MMP21: variants seen among roughly 807,000 people sequenced by gnomAD.
MMP21 encodes matrix metalloproteinase-21.
A neutral mutation model predicts 47.8 loss-of-function variants in MMP21; 40 were observed. The ratio of observed to expected loss-of-function variants is 0.84; its 90% confidence interval spans 0.65 to 1.09. The LOEUF is 1.09. Among genes scored for constraint, MMP21 ranks in the 50% least tolerant of loss-of-function variants. The probability of loss-of-function intolerance (pLI) is 0.00; values close to 1 mark genes in which losing one functional copy is unlikely to be tolerated. For missense variants in MMP21, 747 were observed against 775.3 expected (o/e 0.96, Z 0.43); for synonymous variants, 341 against 318.0 (o/e 1.07, Z -0.77).
In MMP21 at chr10:125,772,914, T is replaced by C. The variant is rs1382175054; in HGVS notation, c.698-164A>G. Among the ~76,000 whole-genome samples the C allele has an allele frequency of 6.6e-6, 1 of 152,140 alleles. No individual in the cohort carries two copies. Among genetic ancestry groups the C allele is most frequent in the African/African-American group, 2.4e-5 (1 of 41,428 alleles). ...GTGCGGAGGGTGGGAGACGGTTTGT[T>C]TGTAAACTGTGTTTACAGTCCACAG... is the stretch of plus-strand genomic sequence containing the variant. On this transcript the variant is annotated intron_variant, in intron 2 of 6. Coordinates refer to ENST00000368808, the MANE Select transcript of MMP21 (RefSeq NM_147191.1). This position sits in a 1 kb window ranked among gnomAD's most constrained non-coding sequence, Gnocchi z 5.6.
In MMP21 at chr10:125,775,659, C is replaced by T. The variant is rs769362024; in HGVS notation, c.162+1G>A. The T allele has an allele frequency of 1.2e-6, 2 of 1,603,260 alleles. No homozygotes were observed. The highest frequency in any genetic ancestry group is 1.1e-5 in the South Asian group (1 of 89,736). ...TTGCTGTTCTTCCAGCTTCCTCCTA[C>T]CTGAGCAGCGTGGAGGTCGGCAATG... On this transcript the variant is annotated splice_donor_variant, in intron 1 of 6. Coordinates refer to ENST00000368808, the MANE Select transcript of MMP21 (RefSeq NM_147191.1). LOFTEE classifies it high-confidence loss of function.
Position 125,767,535 on chromosome 10 carries a change from G to A in MMP21, c.1407C>T (p.Ser469=). Residue 469 remains serine (S), a synonymous_variant, in exon 6 of 7, where the codon TCC becomes TCT. Transcript: ENST00000368808. ...GGCTGAAGAGCCTTCTACTTACAAG[G>A]GACTCCTTGAAGAAGTAAATTAACT... ...RQKLIYFFKE[S]LVFAFDVNRN... 6.2e-7 allele frequency: 1 copy of A among 1,613,920 alleles called. No homozygotes were observed. Among genetic ancestry groups the A allele is most frequent in the Non-Finnish European group, 8.5e-7 (1 of 1,179,866 alleles).
intron 4 of MMP21, 122 bp from the exon 5 acceptor site, chr10:125,770,713 C>T (rs1024652319): frequency 6.3e-6 from 7 of 1,109,598 alleles, no homozygotes; most frequent in African/African-American, 1.6e-5. Context: ...CACCTTAAAG[C>T]AAGACACCAT....
In MMP21 at chr10:125,774,256, C is replaced by T; in HGVS notation, c.272G>A (p.Arg91Lys). ...CGGCAGCGCGTTCGCCCGCTGGAAC[C>T]TGCGCACCGCCTCGGCCAGGGCGGC... Reference protein sequence around the residue: ...KGAALAEAVRRFQRANALPAS... With the variant: ...KGAALAEAVRKFQRANALPAS... The change falls in exon 2 of 7, where the codon AGG becomes AAG. Residue 91 changes from arginine to lysine, a missense_variant. Arg to Lys is a conservative substitution (Grantham distance 26). Transcript: ENST00000368808. The T allele has an allele frequency of 2.1e-6, 3 of 1,419,930 alleles. No homozygotes were observed. The highest frequency in any genetic ancestry group is 2.7e-6 in the Non-Finnish European group (3 of 1,091,818). 88.0% of individuals were successfully genotyped at this position (1,419,930 alleles called of 1,614,324 possible).
intron 4 of MMP21, among the ~76,000 whole-genome samples, chr10:125,771,332 T>C (rs1850443256): frequency 1.3e-5 from 2 of 152,116 alleles, no homozygotes; most frequent in East Asian, 3.9e-4. Flanking sequence ...CTGGCTGTTG[T>C]TGTCTCCAAA....
At chr10:125,771,338 C>G (rs561153737) in intron 4 of MMP21, among the ~76,000 whole-genome samples, 37 of 152,054 alleles carry the variant, frequency 2.4e-4, no homozygotes, top group African/African-American at 7.5e-4. Context: ...GTTGTTGTCT[C>G]CAAAGACACA....
Position 125,766,923 on chromosome 10 carries a change from A to G in MMP21, c.1449T>C (p.Asn483=). The G allele has an allele frequency of 1.9e-6, 3 of 1,605,324 alleles. No homozygotes were observed. Among genetic ancestry groups the G allele is most frequent in the Non-Finnish European group, 2.5e-6 (3 of 1,177,176 alleles). The change falls in exon 7 of 7, where the codon AAT becomes AAC. Residue 483 remains asparagine, a synonymous_variant. Coordinates refer to ENST00000368808, the MANE Select transcript of MMP21 (RefSeq NM_147191.1). ...AFDVNRNRVL[N]SYPKRITEVF... is the part of the protein sequence containing the mutation. Reference sequence around the variant, plus strand: ...CTTCAGTAATCCTCTTTGGATAAGAATTAAGTACTCGATTTCTGTTGACAT... The same window carrying G: ...CTTCAGTAATCCTCTTTGGATAAGAGTTAAGTACTCGATTTCTGTTGACAT...
chr10:125,767,838 C>T (rs986131216), intron 5 of MMP21, 134 bp from the exon 6 acceptor site: 10 of 857,196 alleles, frequency 1.2e-5, no homozygotes, highest in East Asian at 7.5e-5. Context: ...ACGGGGCTTT[C>T]GGCATCTGAG....
In MMP21 at chr10:125,772,999, G is replaced by C. The variant is rs1850470551; in HGVS notation, c.698-249C>G. Reference sequence around the variant, plus strand: ...AGCAGAGGGGAGCGGGGCTGGGTGAGAGCCCGGCTGGGGGCCTGGGAAGAT... The same window carrying C: ...AGCAGAGGGGAGCGGGGCTGGGTGACAGCCCGGCTGGGGGCCTGGGAAGAT... On this transcript the variant is annotated intron_variant, in intron 2 of 6. Transcript: ENST00000368808. The surrounding 1 kb of genome is among the most constrained non-coding windows in gnomAD (Gnocchi z 5.6). 6.6e-6 allele frequency among the ~76,000 whole-genome samples: 1 copy of C among 152,254 alleles called. No individual in the cohort carries two copies. Among genetic ancestry groups the C allele is most frequent in the Non-Finnish European group, 1.5e-5 (1 of 68,042 alleles).
intron 5 of MMP21, among the ~76,000 whole-genome samples, chr10:125,768,183 C>G (rs1850406439): frequency 6.6e-6 from 1 of 152,134 alleles, no homozygotes; most frequent in South Asian, 2.1e-4. Context: ...AAATCATGAT[C>G]CTTATCAGTG....
In MMP21 at chr10:125,766,786, A is replaced by G; in HGVS notation, c.1586T>C (p.Val529Ala). 4 of 1,614,032 alleles carry G rather than the reference A, an allele frequency of 2.5e-6. No individual in the cohort carries two copies. Among genetic ancestry groups the G allele is most frequent in the Non-Finnish European group, 3.4e-6 (4 of 1,179,976 alleles). The part of the protein sequence containing the change: ...FFFKGNAYWK[V>A]VNDKDKQQNS... ...CTGTTGTTTGTCCTTGTCATTAACT[A>G]CCTTCCAGTATGCATTGCCTTTGAA... The change falls in exon 7 of 7, where the codon GTA becomes GCA. Residue 529 changes from valine (V) to alanine (A), a missense_variant. By Grantham distance (64) the Val-to-Ala change is moderately conservative. Transcript: ENST00000368808.
At chr10:125,770,833 T>G (rs1440442924) in intron 4 of MMP21, among the ~76,000 whole-genome samples, 1 of 147,316 alleles carries the variant, frequency 6.8e-6, no homozygotes, top group African/African-American at 2.5e-5. Flanking sequence ...GGCAACATGG[T>G]GAAACCCAGT....
rs1250845347 is a variant in MMP21 at position 125,773,148 on chromosome 10, C to T, written c.698-398G>A. ...CAGCCAACCGTGTCCCTATACTTCTCACCCTGGGACATTAACCCAGTGAGA... is the reference window on the plus strand; with the variant it reads ...CAGCCAACCGTGTCCCTATACTTCTTACCCTGGGACATTAACCCAGTGAGA... On this transcript the variant is annotated intron_variant, in intron 2 of 6. Transcript: ENST00000368808. The surrounding 1 kb of genome is among the most constrained non-coding windows in gnomAD (Gnocchi z 4.8). Among the ~76,000 whole-genome samples, 2 of 152,232 alleles carry T rather than the reference C, an allele frequency of 1.3e-5. No individual in the cohort carries two copies. The highest frequency in any genetic ancestry group is 2.9e-5 in the Non-Finnish European group (2 of 68,046).
rs113742630 is a variant in MMP21 at position 125,767,792 on chromosome 10, A to G, written c.1238-88T>C. 3,586 of 1,334,020 alleles carry G rather than the reference A, an allele frequency of 2.7e-3. 8 individuals carry two copies. Among genetic ancestry groups the G allele is most frequent in the Non-Finnish European group, 3.4e-3 (3,232 of 953,176 alleles). The allele number at this position is 1,334,020 out of a possible 1,614,324, so 82.6% of individuals were successfully genotyped here. A position where few individuals can be genotyped will look rare whatever the true frequency, so the allele number is the denominator to read the frequency against. ...CAGTTTTCAATCTAGGTCTCAGCCA[A>G]TCCTGTACAATGTGTTGCCATGATT... On this transcript the variant is annotated intron_variant, in intron 5 of 6. Coordinates refer to ENST00000368808, the MANE Select transcript of MMP21 (RefSeq NM_147191.1).
In MMP21 at chr10:125,766,957, A is replaced by G. The variant is rs1295085275; in HGVS notation, c.1415T>C (p.Phe472Ser). The G allele has an allele frequency of 1.3e-6, 2 of 1,577,576 alleles. No individual in the cohort carries two copies. The highest frequency in any genetic ancestry group is 2.0e-5 in the Admixed American group (1 of 51,216). ...LIYFFKESLVFAFDVNRNRVL... is the reference protein window; with the variant it reads ...LIYFFKESLVSAFDVNRNRVL... ...TCGATTTCTGTTGACATCAAATGCA[A>G]ATACCTGCAAAGCAAATAAGATAGA... The change falls in exon 7 of 7, where the codon TTT becomes TCT. Residue 472 changes from phenylalanine (F) to serine (S), a missense_variant. Transcript: ENST00000368808.
intron 6 of MMP21, among the ~76,000 whole-genome samples, 156 bp from the exon 7 acceptor site, chr10:125,767,117 C>A (rs990414087): frequency 1.3e-5 from 2 of 151,900 alleles, no homozygotes; most frequent in African/African-American, 4.8e-5. Flanking sequence ...CTATTTAGAT[C>A]TGAAGTGAGT....
Position 125,772,518 on chromosome 10 carries a change from G to A in MMP21, c.837+93C>T. The A allele has an allele frequency of 1.3e-6, 2 of 1,589,802 alleles. No individual in the cohort carries two copies. Among genetic ancestry groups the A allele is most frequent in the Non-Finnish European group, 1.7e-6 (2 of 1,160,542 alleles). Reference sequence around the variant, plus strand: ...CCACGGATTCACCTCCTCAGAGGTTGCGGACACTACATGAGAAAAGCTTGG... The same window carrying A: ...CCACGGATTCACCTCCTCAGAGGTTACGGACACTACATGAGAAAAGCTTGG... On this transcript the variant is annotated intron_variant, in intron 3 of 6. Coordinates refer to ENST00000368808, the MANE Select transcript of MMP21 (RefSeq NM_147191.1). This position sits in a 1 kb window ranked among gnomAD's most constrained non-coding sequence, Gnocchi z 5.6.
rs1850400622 is a variant in MMP21, at chr10:125,767,627, AT to A, written c.1314del (p.Lys438AsnfsTer2). 3 of 1,614,060 alleles carry A rather than the reference AT, an allele frequency of 1.9e-6. No homozygotes were observed. The highest frequency in any genetic ancestry group is 1.3e-5 in the African/African-American group (1 of 74,906). On this transcript the variant is annotated frameshift_variant, in exon 6 of 7. Transcript: ENST00000368808. LOFTEE classifies it high-confidence loss of function. ...TEDEQGKSYP[K>X]LISEGFPGIP... ...ATGCCAGGAAATCCTTCTGAAATCA[AT>A]TTGGGATAGCTTTTTCCTTGTTCAT...
At position 125,773,806 on chromosome 10, in the gene MMP21, G is replaced by C; in HGVS notation, c.697+25C>G. ...GGTCCCCGAGGGGCTGGGTCGGGCA[G>C]GCAGGGAGCCCGGGGTGCTCTTACC... On this transcript the variant is annotated intron_variant, in intron 2 of 6. Transcript: ENST00000368808. The surrounding 1 kb of genome is among the most constrained non-coding windows in gnomAD (Gnocchi z 4.8). 2 of 1,479,678 alleles carry C rather than the reference G, an allele frequency of 1.4e-6. No individual in the cohort carries two copies. Among genetic ancestry groups the C allele is most frequent in the Non-Finnish European group, 1.8e-6 (2 of 1,120,514 alleles). The allele number at this position is 1,479,678 out of a possible 1,614,324, so 91.7% of individuals were successfully genotyped here.
Sources: gnomAD v4.1 joint callset for allele counts (sites outside exome capture counted in the v4.1 genomes callset) on GRCh38, gnomAD v4.1.1 for gene constraint, Gnocchi (gnomAD v3.1) non-coding constraint, MANE v1.5 for transcripts, NCBI Gene and HGNC (gene_info 2026-07-23, HGNC 2026-07-21) for gene names.